NSD1: variants seen among roughly 807,000 people sequenced by gnomAD.
The protein encoded by NSD1 is nuclear receptor binding SET domain protein 1.
A neutral mutation model predicts 242.7 loss-of-function variants in NSD1; 26 were observed. The observed-to-expected ratio is 0.11, with a 90% CI of 0.08 to 0.15. The LOEUF is 0.15. Among genes scored for constraint, NSD1 ranks in the 10% least tolerant of loss-of-function variants. The pLI is 1.00. For missense variants in NSD1, 2,495 were observed against 3,272.8 expected (o/e 0.76, Z 5.80); for synonymous variants, 1,106 against 1,178.1 (o/e 0.94, Z 1.25).
chr5:177,149,809 C>T (rs1210596323), intron 2 of NSD1, among the ~76,000 whole-genome samples: 1 of 152,202 alleles, frequency 6.6e-6, no homozygotes, highest in Non-Finnish European at 1.5e-5. Context: ...CTGCTGTTCA[C>T]CTCCTGCTAT....
intron 3 of NSD1, among the ~76,000 whole-genome samples, chr5:177,200,607 C>T (rs1433890517): frequency 6.6e-6 from 1 of 151,954 alleles, no homozygotes; most frequent in African/African-American, 2.4e-5. Flanking sequence ...TGTTTTTTTT[C>T]CTTATAAATT....
chr5:177,220,451 T>C (rs1483366800), intron 5 of NSD1, among the ~76,000 whole-genome samples: 2 of 152,118 alleles, frequency 1.3e-5, no homozygotes, highest in Non-Finnish European at 2.9e-5. Flanking sequence ...CTCACTTAAA[T>C]CTTAGGTGAG....
intron 3 of NSD1, among the ~76,000 whole-genome samples, chr5:177,195,813 T>G (rs1416498272): frequency 3.3e-5 from 5 of 152,178 alleles, no homozygotes; most frequent in Non-Finnish European, 7.4e-5. Flanking sequence ...TCCATGCTAT[T>G]TATTTGACAA....
chr5:177,259,876 C>A, intron 13 of NSD1, 113 bp from the exon 14 acceptor site: 1 of 1,169,960 alleles, frequency 8.5e-7, no homozygotes, highest in Non-Finnish European at 1.2e-6. Flanking sequence ...GTGGTCATTC[C>A]TTCTATTTGT....
intron 2 of NSD1, among the ~76,000 whole-genome samples, chr5:177,178,777 T>C (rs1356438573): frequency 2.0e-5 from 3 of 152,200 alleles, no homozygotes; most frequent in Non-Finnish European, 1.5e-5. Context: ...GTTTAGCACA[T>C]TTTTATTGAT....
chr5:177,293,879 G>T lies in NSD1; in HGVS notation c.6511G>T (p.Ala2171Ser). Residue 2171 changes from alanine (A) to serine (S), a missense_variant, in exon 23 of 23, where the codon GCA becomes TCA. Transcript: ENST00000439151. ...TCAGTGTGACATCTGCGGGAAGGAAGCAGCCTCCTTCTGTGAGATGTGCCC... is the reference window on the plus strand; with the variant it reads ...TCAGTGTGACATCTGCGGGAAGGAATCAGCCTCCTTCTGTGAGATGTGCCC... ...WHQCDICGKE[A>S]ASFCEMCPSS... The T allele has an allele frequency of 6.2e-7, 1 of 1,614,142 alleles. No homozygotes were observed. The highest frequency in any genetic ancestry group is 1.1e-5 in the South Asian group (1 of 91,074).
intron 2 of NSD1, among the ~76,000 whole-genome samples, chr5:177,191,642 C>G (rs748557598): frequency 6.6e-6 from 1 of 151,540 alleles, no homozygotes; most frequent in African/African-American, 2.4e-5. Flanking sequence ...ATTTTATTTT[C>G]AAAATACGGA....
At chr5:177,162,270 G>A (rs1758819636) in intron 2 of NSD1, among the ~76,000 whole-genome samples, 1 of 151,486 alleles carries the variant, frequency 6.6e-6, no homozygotes, top group Non-Finnish European at 1.5e-5. Context: ...TGCCCTCCAG[G>A]TTGGGCAAGA....
intron 2 of NSD1, among the ~76,000 whole-genome samples, chr5:177,145,926 A>AT (rs1757205346): frequency 6.7e-6 from 1 of 150,172 alleles, no homozygotes; most frequent in African/African-American, 2.5e-5. Flanking sequence ...AAAAAAAAAA[A>AT]TCAGGAAATT....
intron 2 of NSD1, among the ~76,000 whole-genome samples, chr5:177,153,736 T>C (rs568105739): frequency 1.3e-5 from 2 of 152,308 alleles, no homozygotes; most frequent in East Asian, 1.9e-4. Flanking sequence ...GACTTTAGAC[T>C]CTTGTAAAAA....
intron 2 of NSD1, among the ~76,000 whole-genome samples, chr5:177,174,194 G>A (rs1206051958): frequency 1.3e-5 from 2 of 151,532 alleles, no homozygotes; most frequent in South Asian, 2.1e-4. Context: ...GTGAAACCCC[G>A]TCTTTATTAA....
rs142579918 is a variant in NSD1, at chr5:177,295,103, C to G, written c.7735C>G (p.Gln2579Glu). The stretch of plus-strand genomic sequence containing the variant: ...TAGCCAATCCCCGGGCCTGGTGAAG[C>G]AGGCGAAGCAGATGGTCGGAGGCCA... ...PLSQSPGLVK[Q>E]AKQMVGGQQL... The change falls in exon 23 of 23, where the codon CAG becomes GAG. Residue 2579 changes from glutamine to glutamate, a missense_variant. By Grantham distance (29) the Gln-to-Glu change is conservative (BLOSUM62 2). Transcript: ENST00000439151. This position sits in a 1 kb window ranked among gnomAD's most constrained non-coding sequence, Gnocchi z 4.3. 9.0e-5 allele frequency: 145 copies of G among 1,611,552 alleles called. No homozygotes were observed. In the East Asian group the frequency reaches 3.2e-3, roughly 36 times the overall value.
chr5:177,267,722 A>G lies in NSD1; in HGVS notation c.5303+4A>G. Reference sequence around the variant, plus strand: ...GGGTAAAAGTTGGACGATACAGGTAAGCCTGAAGAATAGCACTCATCTCTT... The same window carrying G: ...GGGTAAAAGTTGGACGATACAGGTAGGCCTGAAGAATAGCACTCATCTCTT... On this transcript the variant is annotated splice_donor_region_variant and intron_variant, in intron 15 of 22. Coordinates refer to ENST00000439151, the MANE Select transcript of NSD1 (RefSeq NM_022455.5). The G allele has an allele frequency of 6.2e-7, 1 of 1,613,572 alleles. No homozygotes were observed.
intron 21 of NSD1, among the ~76,000 whole-genome samples, chr5:177,290,970 G>C (rs77847702): frequency 0.018 from 2,776 of 152,300 alleles, 33 homozygotes; most frequent in Non-Finnish European, 0.028. Flanking sequence ...GTCAGTCAGA[G>C]GTAGATGCTA....
intron 15 of NSD1, among the ~76,000 whole-genome samples, chr5:177,268,962 A>G (rs1219243402): frequency 6.6e-6 from 1 of 152,174 alleles, no homozygotes; most frequent in East Asian, 1.9e-4. Flanking sequence ...ATATAAGTAT[A>G]TACTTATATA....
chr5:177,209,333 G>C (rs1036170805), intron 4 of NSD1, among the ~76,000 whole-genome samples: 2 of 151,704 alleles, frequency 1.3e-5, no homozygotes, highest in Non-Finnish European at 2.9e-5. Flanking sequence ...TTTGAGACCA[G>C]CCTGGCCAAT....
chr5:177,265,307 A>G (rs1400073594), intron 14 of NSD1: 2 of 646,476 alleles, frequency 3.1e-6, no homozygotes, highest in Non-Finnish European at 5.5e-6. Context: ...CAGCATGGGA[A>G]TAAATTATAT....
intron 4 of NSD1, among the ~76,000 whole-genome samples, chr5:177,207,677 G>T (rs1763000814): frequency 7.3e-6 from 1 of 136,574 alleles, no homozygotes; most frequent in South Asian, 2.3e-4. Flanking sequence ...GCATCCTCCT[G>T]CCTCAGCCTC....
At chr5:177,195,741 A>G (rs570989863) in intron 3 of NSD1, among the ~76,000 whole-genome samples, 1 of 152,122 alleles carries the variant, frequency 6.6e-6, no homozygotes, top group Non-Finnish European at 1.5e-5. Context: ...AGTACTTGGG[A>G]TTACTGACAG....
Sources: allele counts gnomAD v4.1 joint callset (sites outside exome capture counted in the v4.1 genomes callset), GRCh38; gene constraint gnomAD v4.1.1; non-coding constraint Gnocchi (gnomAD v3.1); transcripts MANE v1.5; gene names NCBI Gene and HGNC (gene_info 2026-07-23, HGNC 2026-07-21).